Variants in KLRD1 observed in about 807,000 individuals in gnomAD.
KLRD1 encodes killer cell lectin like receptor D1, also known as natural killer cells antigen CD94.
KLRD1 carries 21 observed loss-of-function variants against 22.6 expected under a neutral mutation model. That is an observed-to-expected ratio of 0.93 (90% CI 0.66 to 1.34). The LOEUF is 1.34. Among genes scored for constraint, KLRD1 ranks in the 40% most tolerant of loss-of-function variants. The pLI is 0.00. For missense variants in KLRD1, 183 were observed against 208.6 expected, an observed-to-expected ratio of 0.88 and a Z score of 0.76; for synonymous variants, 59 against 71.1, an observed-to-expected ratio of 0.83 and a Z score of 0.85.
At chr12:10,285,602 T>A (rs147434503) in intron 1 of KLRD1, among the ~76,000 whole-genome samples, 1 of 151,992 alleles carries the variant, frequency 6.6e-6, no homozygotes, top group African/African-American at 2.4e-5. Context: ...CTTAAAGTTG[T>A]TTTTTTTGTG....
At chr12:10,307,784 A>C (rs1385628723), upstream of KLRD1, 1 of 310,688 alleles carries the variant, frequency 3.2e-6, no homozygotes, top group African/African-American at 2.1e-5. Flanking sequence ...TCCTTGCCAA[A>C]GTGTTAATAT....
chr12:10,255,945 G>T (rs112863034), intron 1 of KLRD1, among the ~76,000 whole-genome samples: 65 of 152,212 alleles, frequency 4.3e-4, no homozygotes, highest in Middle Eastern at 3.4e-3. Context: ...TATTATTGGA[G>T]AGCTATCTAT....
At chr12:10,309,356 T>C (rs1437694241) in intron 1 of KLRD1, 32 bp from the exon 2 acceptor site, 1 of 987,586 alleles carries the variant, frequency 1.0e-6, no homozygotes, top group Non-Finnish European at 1.6e-6. Flanking sequence ...GTTTGCTCTT[T>C]AAGTCATTAC....
At chr12:10,277,996 T>G (rs1253622734) in intron 1 of KLRD1, among the ~76,000 whole-genome samples, 1 of 152,236 alleles carries the variant, frequency 6.6e-6, no homozygotes. Flanking sequence ...ATCGTTATTC[T>G]GGACATGACA....
chr12:10,265,025 T>A (rs1323514162), intron 1 of KLRD1, among the ~76,000 whole-genome samples: 1 of 152,138 alleles, frequency 6.6e-6, no homozygotes, highest in Non-Finnish European at 1.5e-5. Flanking sequence ...AATGGCAAGA[T>A]TTCCTTTTTT....
intron 1 of KLRD1, among the ~76,000 whole-genome samples, chr12:10,241,097 A>G (rs1949237390): frequency 1.3e-5 from 2 of 152,176 alleles, no homozygotes; most frequent in African/African-American, 4.8e-5. Flanking sequence ...GGCATTTACT[A>G]TCTAGTGTCT....
At chr12:10,310,388 G>A (rs562398745) in intron 3 of KLRD1, among the ~76,000 whole-genome samples, 1 of 152,260 alleles carries the variant, frequency 6.6e-6, no homozygotes, top group South Asian at 2.1e-4. Flanking sequence ...CAAAGTGTTG[G>A]GATTATGCCG....
intron 1 of KLRD1, among the ~76,000 whole-genome samples, chr12:10,262,567 A>C (rs1443721011): frequency 6.6e-6 from 1 of 152,114 alleles, no homozygotes; most frequent in Admixed American, 6.5e-5. Context: ...AAATACATCT[A>C]GATTTAAACA....
At chr12:10,305,517 C>T (rs1303014604), upstream of KLRD1, among the ~76,000 whole-genome samples, 1 of 152,082 alleles carries the variant, frequency 6.6e-6, no homozygotes, top group Non-Finnish European at 1.5e-5. Flanking sequence ...GAACATAACA[C>T]TATTGAGTAA....
Position 10,324,692 on chromosome 12 carries a change from G to C in KLRD1, c.*9899G>C, listed in dbSNP as rs1297144110. 4 of 150,278 alleles carry C rather than the reference G, an allele frequency of 2.7e-5. No homozygotes were observed. Among genetic ancestry groups the C allele is most frequent in the African/African-American group, 9.8e-5 (4 of 40,988 alleles). The allele number at this position is 150,278 out of a possible 1,614,324, so 9.3% of individuals were successfully genotyped here. A position where few individuals can be genotyped will look rare whatever the true frequency, so the allele number is the denominator to read the frequency against. On this transcript the variant is annotated 3_prime_UTR_variant, in exon 6 of 6. Transcript: ENST00000336164. ...ATGTTTTGTAGTTTTTAATATTCAG[G>C]CCTTTTATGTTTTTATGAGATTTCC...
upstream of KLRD1, among the ~76,000 whole-genome samples, chr12:10,305,846 C>T (rs1949913770): frequency 6.6e-6 from 1 of 152,114 alleles, no homozygotes; most frequent in Admixed American, 6.6e-5. Context: ...AAATCATTCA[C>T]CTGTCTACGT....
intron 4 of KLRD1, 143 bp downstream of exon 4, chr12:10,311,758 TTAAAG>T (rs1211032369): frequency 3.3e-6 from 2 of 604,054 alleles, no homozygotes; most frequent in African/African-American, 1.8e-5. Flanking sequence ...TCTGTGTACC[TTAAAG>T]TAGTCATTGT....
chr12:10,288,516 G>C (rs546628336), intron 1 of KLRD1, among the ~76,000 whole-genome samples: 2 of 152,288 alleles, frequency 1.3e-5, no homozygotes, highest in Non-Finnish European at 2.9e-5. Flanking sequence ...AGGTTAGTGA[G>C]ACTCAGCTTG....
intron 1 of KLRD1, among the ~76,000 whole-genome samples, chr12:10,241,663 A>G (rs4514515): frequency 0.63 from 95,038 of 151,958 alleles, 30,555 homozygotes; most frequent in Admixed American, 0.76. Flanking sequence ...AGGCCAGAGA[A>G]CTATAGTTAG....
At chr12:10,248,236 T>A (rs1303920561) in intron 1 of KLRD1, among the ~76,000 whole-genome samples, 4 of 151,996 alleles carry the variant, frequency 2.6e-5, no homozygotes, top group African/African-American at 9.7e-5. Flanking sequence ...TAATCCTGTT[T>A]TAAAAAAAAA....
At chr12:10,309,528 A>G in intron 2 of KLRD1, 48 bp downstream of exon 2, 1 of 1,283,370 alleles carries the variant, frequency 7.8e-7, no homozygotes, top group South Asian at 1.2e-5. Flanking sequence ...CTGTGAAGAC[A>G]TCATTTAATA....
intron 4 of KLRD1, among the ~76,000 whole-genome samples, chr12:10,312,838 T>A (rs565863494): frequency 6.6e-6 from 1 of 151,334 alleles, no homozygotes; most frequent in East Asian, 2.0e-4. Context: ...ATACAAAAAA[T>A]TAGCCGGGCG....
chr12:10,255,318 A>T (rs1339024984), intron 1 of KLRD1, among the ~76,000 whole-genome samples: 1 of 151,852 alleles, frequency 6.6e-6, no homozygotes. Flanking sequence ...GGCTTTGTTT[A>T]TTTTCTCTAT....
At position 10,329,352 on chromosome 12, in the gene KLRD1, A is replaced by T. The variant is rs1950390267; in HGVS notation, c.*14559A>T. On this transcript the variant is annotated 3_prime_UTR_variant, in exon 6 of 6. Coordinates refer to ENST00000336164, the MANE Select transcript of KLRD1 (RefSeq NM_002262.5). Reference sequence around the variant, plus strand: ...ACTGATTTCTAGTTTCATTCCCTTGATGCTGTAAAAGATACTTGATATGAC... The same window carrying T: ...ACTGATTTCTAGTTTCATTCCCTTGTTGCTGTAAAAGATACTTGATATGAC... 1 of 152,100 alleles carries T rather than the reference A, an allele frequency of 6.6e-6. No homozygotes were observed. Among genetic ancestry groups the T allele is most frequent in the Non-Finnish European group, 1.5e-5 (1 of 68,022 alleles). The allele number at this position is 152,100 out of a possible 1,614,324, so 9.4% of individuals were successfully genotyped here. A position where few individuals can be genotyped will look rare whatever the true frequency, so the allele number is the denominator to read the frequency against.
Sources: allele counts gnomAD v4.1 joint callset (sites outside exome capture counted in the v4.1 genomes callset), GRCh38; gene constraint gnomAD v4.1.1; transcripts MANE v1.5; gene names NCBI Gene and HGNC (gene_info 2026-07-23, HGNC 2026-07-21).